Variants in NF1 observed in about 807,000 individuals in gnomAD.
The protein encoded by NF1 is neurofibromin.
Under a neutral mutation model 325.7 loss-of-function variants are expected in NF1, and 122 were observed. That is an observed-to-expected ratio of 0.37 (90% CI 0.32 to 0.44). NF1 has a LOEUF of 0.44. NF1 is among the 20% of genes least tolerant of loss of function. NF1 has a pLI of 1.00. For synonymous variants in NF1, 1,091 were observed against 1,186.0 expected, an observed-to-expected ratio of 0.92 and a Z score of 1.65; for missense variants, 2,140 against 3,415.4, an observed-to-expected ratio of 0.63 and a Z score of 9.31.
chr17:31,190,089 C>CAAAAA (rs766783457), intron 8 of NF1, among the ~76,000 whole-genome samples: 3 of 98,220 alleles, frequency 3.1e-5, no homozygotes, highest in Non-Finnish European at 5.6e-5. Context: ...AAATGTATTA[C>CAAAAA]AAAAAAAAAA....
At chr17:31,194,306 G>A (rs1243516122) in intron 8 of NF1, among the ~76,000 whole-genome samples, 3 of 152,088 alleles carry the variant, frequency 2.0e-5, no homozygotes, top group African/African-American at 7.2e-5. Flanking sequence ...AACACTGAGT[G>A]TTCTCATTCA....
chr17:31,242,337 T>C (rs56119737), intron 29 of NF1, among the ~76,000 whole-genome samples: 49 of 119,132 alleles, frequency 4.1e-4, no homozygotes, highest in Non-Finnish European at 7.3e-4. Flanking sequence ...TTTTTTGAGA[T>C]GGAGGTTCAC....
At chr17:31,118,938 CT>C (rs35974893) in intron 1 of NF1, among the ~76,000 whole-genome samples, 27 of 146,390 alleles carry the variant, frequency 1.8e-4, no homozygotes, top group African/African-American at 3.0e-4. Flanking sequence ...GTCTCTCTCT[CT>C]TTTTTTTTTT....
At chr17:31,202,244 A>G (rs2066543387) in intron 11 of NF1, among the ~76,000 whole-genome samples, 2 of 152,212 alleles carry the variant, frequency 1.3e-5, no homozygotes, top group Non-Finnish European at 2.9e-5. Context: ...CACTTTTATC[A>G]AATGATACTC....
intron 29 of NF1, among the ~76,000 whole-genome samples, chr17:31,246,713 A>T (rs1323871717): frequency 1.3e-5 from 2 of 152,326 alleles, no homozygotes; most frequent in East Asian, 3.9e-4. Context: ...TAAAATTTAA[A>T]CTACATAAAG....
At chr17:31,195,230 C>CT (rs901320037) in intron 8 of NF1, among the ~76,000 whole-genome samples, 2 of 152,098 alleles carry the variant, frequency 1.3e-5, no homozygotes, top group Non-Finnish European at 2.9e-5. Context: ...TCAGTTTATA[C>CT]TTTTTTTCCT....
chr17:31,239,594 A>C (rs1317077385), intron 29 of NF1, among the ~76,000 whole-genome samples: 1 of 152,172 alleles, frequency 6.6e-6, no homozygotes, highest in African/African-American at 2.4e-5. Context: ...ATAGGAAAAA[A>C]ATAATGAAAC....
intron 36 of NF1, chr17:31,317,982 C>A: frequency 3.9e-6 from 1 of 258,182 alleles, no homozygotes; most frequent in Non-Finnish European, 7.4e-6. Flanking sequence ...ATCATCTAAC[C>A]ACTGTTGCTA....
chr17:31,349,036 A>C, intron 48 of NF1, 84 bp from the exon 49 acceptor site: 1 of 1,495,376 alleles, frequency 6.7e-7, no homozygotes. Flanking sequence ...CAGAGTTGTT[A>C]GTCAGGGAAG....
chr17:31,276,706 A>G (rs1341750596), intron 36 of NF1, among the ~76,000 whole-genome samples: 1 of 152,142 alleles, frequency 6.6e-6, no homozygotes, highest in African/African-American at 2.4e-5. Flanking sequence ...AATACATGAT[A>G]AGAATAGTAC....
In NF1 at chr17:31,229,012, AT is replaced by A; in HGVS notation, c.2410-9del. 1 of 1,588,382 alleles carries A rather than the reference AT, an allele frequency of 6.3e-7. No individual in the cohort carries two copies. The highest frequency in any genetic ancestry group is 1.1e-5 in the South Asian group (1 of 89,478). ...GGTTTAATTCATGCTTTGCACAAAA[AT>A]TTTGTGTTTAGGCTGCTGAAAGCCT... On this transcript the variant is annotated splice_polypyrimidine_tract_variant and intron_variant, in intron 20 of 57. Transcript: ENST00000358273.
chr17:31,177,404 A>C (rs1160533114), intron 5 of NF1, among the ~76,000 whole-genome samples: 4 of 142,072 alleles, frequency 2.8e-5, no homozygotes, highest in African/African-American at 1.1e-4. Context: ...ATAAATCCAC[A>C]AAAATGGGAA....
At chr17:31,161,041 T>C (rs547964072) in intron 3 of NF1, among the ~76,000 whole-genome samples, 2 of 152,336 alleles carry the variant, frequency 1.3e-5, no homozygotes, top group East Asian at 3.9e-4. Flanking sequence ...ATTCTTACTT[T>C]TAAATCAAAG....
At chr17:31,209,100 C>T (rs1215515715) in intron 12 of NF1, among the ~76,000 whole-genome samples, 1 of 152,172 alleles carries the variant, frequency 6.6e-6, no homozygotes, top group Non-Finnish European at 1.5e-5. Context: ...CCTCTACCCA[C>T]TAGATGCCAA....
chr17:31,155,473 C>G (rs1016131592), intron 1 of NF1, among the ~76,000 whole-genome samples: 1 of 152,182 alleles, frequency 6.6e-6, no homozygotes, highest in Non-Finnish European at 1.5e-5. Flanking sequence ...TGCTTCTGAA[C>G]AATCAGCAGT....
intron 36 of NF1, among the ~76,000 whole-genome samples, chr17:31,291,166 G>A (rs2068336821): frequency 6.6e-6 from 1 of 151,986 alleles, no homozygotes; most frequent in African/African-American, 2.4e-5. Context: ...AAACTATACT[G>A]GAAATAATTG....
At chr17:31,261,585 G>A (rs2151465933) in intron 34 of NF1, 126 bp from the exon 35 acceptor site, 1 of 924,128 alleles carries the variant, frequency 1.1e-6, no homozygotes, top group African/African-American at 1.6e-5. Flanking sequence ...TGGTCCTGAG[G>A]TCTTTTTGGT....
intron 1 of NF1, chr17:31,136,328 C>CA (rs56348558): frequency 0.46 from 33,441 of 72,136 alleles, 8,219 homozygotes; most frequent in Middle Eastern, 0.63. Context: ...GACTCTGTCT[C>CA]AAAAAAAAAA....
At chr17:31,258,282 T>C (rs2151461515) in intron 31 of NF1, 62 bp from the exon 32 acceptor site, 1 of 1,588,840 alleles carries the variant, frequency 6.3e-7, no homozygotes, top group Non-Finnish European at 8.6e-7. Context: ...TTTGAACTCT[T>C]TGTTTTCATG....
Sources: allele counts gnomAD v4.1 joint callset (sites outside exome capture counted in the v4.1 genomes callset), GRCh38; gene constraint gnomAD v4.1.1; transcripts MANE v1.5; gene names NCBI Gene and HGNC (gene_info 2026-07-23, HGNC 2026-07-21).